OR52N4: variants seen among roughly 807,000 people sequenced by gnomAD.
The protein encoded by OR52N4 is olfactory receptor family 52 subfamily N member 4, also known as olfactory receptor 52N4.
OR52N4 carries 15 observed loss-of-function variants against 15.0 expected under a neutral mutation model. That is an observed-to-expected ratio of 1.00 (90% CI 0.67 to 1.54). OR52N4 has a LOEUF of 1.54. Among genes scored for constraint, OR52N4 ranks in the 40% most tolerant of loss-of-function variants. The pLI, the probability that OR52N4 is intolerant of heterozygous loss-of-function variation, is 0.00. For missense variants in OR52N4, 421 were observed against 394.0 expected, an observed-to-expected ratio of 1.07 and a Z score of -0.58; for synonymous variants, 143 against 143.7, an observed-to-expected ratio of 1.00 and a Z score of 0.03.
the OR52N4 span, among the ~76,000 whole-genome samples, chr11:5,746,088 T>C: frequency 4.1e-4 from 63 of 152,210 alleles, no homozygotes; most frequent in Non-Finnish European, 7.1e-4. Flanking sequence ...TGCTGAACAA[T>C]TGGATAGCTG....
At chr11:5,735,913 G>T in the OR52N4 span, 2 of 153,216 alleles carry the variant, frequency 1.3e-5, no homozygotes, top group Admixed American at 6.5e-5. Context: ...GAATAGAGTT[G>T]ATCTAATATT....
chr11:5,736,875 A>G, the OR52N4 span: 1 of 1,613,950 alleles, frequency 6.2e-7, no homozygotes, highest in Non-Finnish European at 8.5e-7. Context: ...GTGGGCATGG[A>G]GTCTGGTATC....
chr11:5,745,978 T>C, the OR52N4 span, among the ~76,000 whole-genome samples: 48 of 152,214 alleles, frequency 3.2e-4, no homozygotes, highest in Non-Finnish European at 6.3e-4. Context: ...TAAAACAGAA[T>C]AGAGTATTCA....
chr11:5,732,973 T>C, the OR52N4 span, among the ~76,000 whole-genome samples: 1 of 151,992 alleles, frequency 6.6e-6, no homozygotes, highest in Non-Finnish European at 1.5e-5. Flanking sequence ...TAGAGTTATT[T>C]TGGGGTCATA....
At chr11:5,735,187 C>A in the OR52N4 span, among the ~76,000 whole-genome samples, 3 of 151,912 alleles carry the variant, frequency 2.0e-5, no homozygotes, top group African/African-American at 4.8e-5. Context: ...ATAGCTTCCA[C>A]CATGGCAAAA....
intron 1 of OR52N4, 122 bp from the exon 2 acceptor site, chr11:5,754,571 C>A: frequency 3.4e-6 from 2 of 591,730 alleles, no homozygotes; most frequent in Non-Finnish European, 5.6e-6. Flanking sequence ...AAAATTATTT[C>A]TTGGCACTCA....
chr11:5,753,551 A>C (rs1227349465), upstream of OR52N4, among the ~76,000 whole-genome samples: 1 of 152,186 alleles, frequency 6.6e-6, no homozygotes, highest in Non-Finnish European at 1.5e-5. Flanking sequence ...CTAGATACAT[A>C]AAGAACAAGA....
chr11:5,736,334 T>C, the OR52N4 span: 1 of 602,990 alleles, frequency 1.7e-6, no homozygotes, highest in Non-Finnish European at 2.9e-6. Context: ...TTAATAAACC[T>C]CTGCATCAAG....
Position 5,755,377 on chromosome 11 carries a change from A to T in OR52N4, c.637A>T (p.Ile213Leu). ...TGCCCTCCTGATTTGGGGCTTTGAC[A>T]TACTGTGTATCACCAACTCCTATAC... Reference protein sequence around the residue: ...MVALLIWGFDILCITNSYTMI... With the variant: ...MVALLIWGFDLLCITNSYTMI... The change falls in exon 2 of 2, where the codon ATA (isoleucine) becomes TTA (leucine). Residue 213 changes from isoleucine (I) to leucine (L), a missense_variant. Transcript: ENST00000641350. The T allele has an allele frequency of 2.5e-6, 4 of 1,614,070 alleles. No homozygotes were observed. The highest frequency in any genetic ancestry group is 3.4e-6 in the Non-Finnish European group (4 of 1,179,988).
the OR52N4 span, among the ~76,000 whole-genome samples, chr11:5,748,521 C>T: frequency 6.6e-6 from 1 of 151,454 alleles, no homozygotes; most frequent in Non-Finnish European, 1.5e-5. Context: ...CATTTTAGAA[C>T]ACCCAACTAT....
chr11:5,741,671 GAGGAT>G, the OR52N4 span, among the ~76,000 whole-genome samples: 2 of 152,176 alleles, frequency 1.3e-5, no homozygotes, highest in African/African-American at 4.8e-5. Flanking sequence ...GAGCAGGTGT[GAGGAT>G]AGGAGAGACA....
chr11:5,735,477 T>C, the OR52N4 span, among the ~76,000 whole-genome samples: 2 of 151,892 alleles, frequency 1.3e-5, no homozygotes, highest in African/African-American at 4.8e-5. Flanking sequence ...GTCTGAAAGA[T>C]CAGATTGCTA....
chr11:5,747,650 T>C, the OR52N4 span, among the ~76,000 whole-genome samples: 1 of 152,024 alleles, frequency 6.6e-6, no homozygotes, highest in African/African-American at 2.4e-5. Flanking sequence ...CTTGTGAATA[T>C]ATACTGAGCC....
At chr11:5,728,113 A>G in the OR52N4 span, among the ~76,000 whole-genome samples, 1 of 152,194 alleles carries the variant, frequency 6.6e-6, no homozygotes, top group African/African-American at 2.4e-5. Context: ...TTTATCTCAC[A>G]GGTACACTCC....
At chr11:5,746,773 A>T in the OR52N4 span, among the ~76,000 whole-genome samples, 1 of 152,184 alleles carries the variant, frequency 6.6e-6, no homozygotes, top group Non-Finnish European at 1.5e-5. Context: ...CCACAGTTTG[A>T]ACCATTAGAA....
At position 5,755,628 on chromosome 11, in the gene OR52N4, G is replaced by A. The variant is rs756288815; in HGVS notation, c.888G>A (p.Gly296=). ...LPPTMNPIVY[G]VKTKQIRDCV... ...CCACTATGAACCCTATTGTCTATGG[G>A]GTGAAAACCAAACAGATACGAGACT... The change falls in exon 2 of 2, where the codon GGG becomes GGA. Residue 296 remains glycine (G), a synonymous_variant. Transcript: ENST00000641350. The A allele has an allele frequency of 6.2e-7, 1 of 1,613,708 alleles. No homozygotes were observed.
At chr11:5,737,260 C>T in the OR52N4 span, 9 of 1,614,028 alleles carry the variant, frequency 5.6e-6, no homozygotes, top group African/African-American at 8.0e-5. Context: ...AGGCCCTGAG[C>T]ACTTGTAGTT....
At chr11:5,754,642 G>GA (rs756176720) in intron 1 of OR52N4, 51 bp from the exon 2 acceptor site, 77 of 1,285,156 alleles carry the variant, frequency 6.0e-5, no homozygotes, top group Non-Finnish European at 7.9e-5. Flanking sequence ...GGGGGAGAGG[G>GA]AGACAGTAAA....
chr11:5,732,278 A>G, the OR52N4 span, among the ~76,000 whole-genome samples: 4 of 152,142 alleles, frequency 2.6e-5, no homozygotes, highest in Non-Finnish European at 4.4e-5. Context: ...TTCCAACTCT[A>G]AACTTCCAAC....
Sources: gnomAD v4.1 joint callset for allele counts (sites outside exome capture counted in the v4.1 genomes callset) on GRCh38, gnomAD v4.1.1 for gene constraint, MANE v1.5 for transcripts, NCBI Gene and HGNC (gene_info 2026-07-23, HGNC 2026-07-21) for gene names.